Variants in SLC25A12 observed in about 807,000 individuals in gnomAD.
SLC25A12 encodes the protein solute carrier family 25 member 12.
In SLC25A12, 32 loss-of-function variants were observed where a neutral mutation model predicts 83.3. That is an observed-to-expected ratio of 0.38 (90% CI 0.29 to 0.52). The LOEUF is 0.52. Ranked by LOEUF, SLC25A12 falls within the 20% of genes least tolerant of loss-of-function variation. The pLI is 0.84. For missense variants in SLC25A12, 611 were observed against 835.6 expected, an observed-to-expected ratio of 0.73 and a Z score of 3.31; for synonymous variants, 267 against 291.1, an observed-to-expected ratio of 0.92 and a Z score of 0.84.
intron 3 of SLC25A12, among the ~76,000 whole-genome samples, chr2:171,864,826 C>G (rs1316071867): frequency 6.6e-6 from 1 of 152,164 alleles, no homozygotes; most frequent in Non-Finnish European, 1.5e-5. Flanking sequence ...CACCTCATTT[C>G]AGAAGTGTTA....
At chr2:171,801,452 T>C (rs1040797883) in intron 13 of SLC25A12, among the ~76,000 whole-genome samples, 3 of 152,186 alleles carry the variant, frequency 2.0e-5, no homozygotes, top group East Asian at 3.8e-4. Context: ...TTGCCCACAA[T>C]AGATATCATA....
At chr2:171,845,682 C>T (rs76703909) in intron 4 of SLC25A12, 5,434 of 302,244 alleles carry the variant, frequency 0.018, 104 homozygotes, top group Admixed American at 0.068. Context: ...AAAAGCATTA[C>T]TACTGGGATA....
At chr2:171,846,587 C>T (rs1684801851) in intron 4 of SLC25A12, among the ~76,000 whole-genome samples, 1 of 152,110 alleles carries the variant, frequency 6.6e-6, no homozygotes, top group South Asian at 2.1e-4. Context: ...GCAGGCAGAT[C>T]ACGAGGTCAG....
At position 171,883,744 on chromosome 2, in the gene SLC25A12, G is replaced by A. The variant is rs143785751; in HGVS notation, c.66+9461C>T. ...CAGCTCTTAATATTGCCTCCTAAGG[G>A]CCCTTCACTGACCACTCTCTTGAAA... On this transcript the variant is annotated intron_variant, in intron 2 of 17. Coordinates refer to ENST00000422440, the MANE Select transcript of SLC25A12 (RefSeq NM_003705.5). Among the ~76,000 whole-genome samples, 750 of 152,204 alleles carry A rather than the reference G, an allele frequency of 4.9e-3. 8 individuals are homozygous for A. Among genetic ancestry groups the A allele is most frequent in the African/African-American group, 0.017 (711 of 41,522 alleles).
chr2:171,868,311 A>T (rs1162212790), intron 3 of SLC25A12, among the ~76,000 whole-genome samples: 13 of 129,498 alleles, frequency 1.0e-4, no homozygotes, highest in Admixed American at 4.2e-4. Flanking sequence ...GGGTTTTTTA[A>T]TTTTTTTTTT....
At chr2:171,876,192 T>G (rs1478847320) in intron 2 of SLC25A12, among the ~76,000 whole-genome samples, 1 of 152,186 alleles carries the variant, frequency 6.6e-6, no homozygotes, top group Non-Finnish European at 1.5e-5. Context: ...TGCCAGTGTT[T>G]TCTCCAGCTC....
chr2:171,835,455 A>G (rs1437792921), intron 6 of SLC25A12, among the ~76,000 whole-genome samples: 1 of 152,226 alleles, frequency 6.6e-6, no homozygotes, highest in Non-Finnish European at 1.5e-5. Flanking sequence ...AAATCTGGAG[A>G]GAATTTATTC....
At chr2:171,881,296 G>A (rs1419990562) in intron 2 of SLC25A12, among the ~76,000 whole-genome samples, 1 of 152,132 alleles carries the variant, frequency 6.6e-6, no homozygotes, top group African/African-American at 2.4e-5. Flanking sequence ...GAGATTACAG[G>A]CATCCGCCAT....
At chr2:171,794,238 TCTG>T (rs1418009893) in intron 13 of SLC25A12, among the ~76,000 whole-genome samples, 1 of 152,222 alleles carries the variant, frequency 6.6e-6, no homozygotes, top group African/African-American at 2.4e-5. Context: ...CCCACTTGCT[TCTG>T]CTTCCTTGGA....
At chr2:171,880,516 G>A (rs891394925) in intron 2 of SLC25A12, among the ~76,000 whole-genome samples, 1 of 152,158 alleles carries the variant, frequency 6.6e-6, no homozygotes, top group African/African-American at 2.4e-5. Flanking sequence ...GACCTCAAGT[G>A]AGCCACCCAC....
chr2:171,892,080 AT>A (rs1198980574), intron 2 of SLC25A12, among the ~76,000 whole-genome samples: 1 of 152,252 alleles, frequency 6.6e-6, no homozygotes, highest in Non-Finnish European at 1.5e-5. Flanking sequence ...ATCACCTCTC[AT>A]TTCACAGAGG....
At chr2:171,854,331 G>C (rs947163049) in intron 4 of SLC25A12, among the ~76,000 whole-genome samples, 1 of 152,204 alleles carries the variant, frequency 6.6e-6, no homozygotes, top group African/African-American at 2.4e-5. Flanking sequence ...CACTTTGGGA[G>C]GCCGAGACAG....
intron 2 of SLC25A12, among the ~76,000 whole-genome samples, chr2:171,872,205 C>G (rs1372656269): frequency 6.6e-6 from 1 of 151,960 alleles, no homozygotes; most frequent in African/African-American, 2.4e-5. Flanking sequence ...CACACACTTA[C>G]ACAATGAAGA....
chr2:171,786,146 C>T (rs1231832908), intron 17 of SLC25A12, among the ~76,000 whole-genome samples: 1 of 151,598 alleles, frequency 6.6e-6, no homozygotes, highest in African/African-American at 2.4e-5. Context: ...GAGGCCGAGG[C>T]AGGCGGATCA....
intron 13 of SLC25A12, among the ~76,000 whole-genome samples, chr2:171,801,645 A>G (rs1208907512): frequency 6.6e-6 from 1 of 152,212 alleles, no homozygotes; most frequent in African/African-American, 2.4e-5. Context: ...AAGTACTCAT[A>G]CAGCCTGTTT....
At chr2:171,798,127 A>ACC (rs980054627) in intron 13 of SLC25A12, among the ~76,000 whole-genome samples, 2 of 152,242 alleles carry the variant, frequency 1.3e-5, no homozygotes, top group Admixed American at 6.5e-5. Context: ...AATGAGGGTT[A>ACC]CCCATATATA....
chr2:171,875,728 A>G (rs1287871654), intron 2 of SLC25A12, among the ~76,000 whole-genome samples: 3 of 152,044 alleles, frequency 2.0e-5, no homozygotes, highest in Non-Finnish European at 4.4e-5. Context: ...CCTGGCTAAC[A>G]TGGTGAAACC....
intron 9 of SLC25A12, among the ~76,000 whole-genome samples, chr2:171,818,224 C>T (rs905151220): frequency 6.6e-5 from 10 of 152,058 alleles, no homozygotes; most frequent in African/African-American, 2.4e-4. Context: ...AAGGAAAACA[C>T]TCAGCACTAA....
chr2:171,845,939 A>C (rs1461925546), intron 4 of SLC25A12: 1 of 351,726 alleles, frequency 2.8e-6, no homozygotes, highest in Non-Finnish European at 5.7e-6. Context: ...AAAAGCAAAG[A>C]ATTAACCCAA....
Sources: allele counts gnomAD v4.1 joint callset (sites outside exome capture counted in the v4.1 genomes callset), GRCh38; gene constraint gnomAD v4.1.1; transcripts MANE v1.5; gene names NCBI Gene and HGNC (gene_info 2026-07-23, HGNC 2026-07-21).